PREX2: variants seen among roughly 807,000 people sequenced by gnomAD.
PREX2 encodes phosphatidylinositol-3,4,5-trisphosphate dependent Rac exchange factor 2.
In PREX2, 107 loss-of-function variants were observed where a neutral mutation model predicts 203.2. That is an observed-to-expected ratio of 0.53 (90% confidence interval 0.45 to 0.62). PREX2 has a LOEUF of 0.62. Among genes scored for constraint, PREX2 ranks in the 20% least tolerant of loss-of-function variants. The pLI, the probability that PREX2 is intolerant of heterozygous loss-of-function variation, is 0.00. For missense variants in PREX2, 1,777 were observed against 1,955.9 expected (o/e 0.91, Z 1.72); for synonymous variants, 672 against 663.6 (o/e 1.01, Z -0.19).
At chr8:68,183,253 C>T (rs1004991041) in intron 35 of PREX2, among the ~76,000 whole-genome samples, 1 of 151,870 alleles carries the variant, frequency 6.6e-6, no homozygotes, top group Admixed American at 6.6e-5. Context: ...AAGATCCAAC[C>T]CATGAACTTG....
intron 33 of PREX2, among the ~76,000 whole-genome samples, chr8:68,139,533 C>T (rs189034529): frequency 5.5e-4 from 83 of 152,190 alleles, no homozygotes; most frequent in African/African-American, 1.8e-3. Flanking sequence ...TGATGAATTA[C>T]GGGATGTGTG....
intron 35 of PREX2, among the ~76,000 whole-genome samples, chr8:68,160,148 G>T (rs1811626760): frequency 6.6e-6 from 1 of 152,038 alleles, no homozygotes; most frequent in South Asian, 2.1e-4. Context: ...TAGAATCCTG[G>T]AAGTTTTTTC....
intron 23 of PREX2, 64 bp from the exon 24 acceptor site, chr8:68,108,044 GA>G (rs1810453455): frequency 1.9e-6 from 2 of 1,068,008 alleles, no homozygotes; most frequent in Non-Finnish European, 1.4e-6. Flanking sequence ...TGATGCAAGT[GA>G]AAAAAAGATG....
chr8:68,040,837 G>A (rs1396170626), intron 7 of PREX2, among the ~76,000 whole-genome samples: 2 of 152,162 alleles, frequency 1.3e-5, no homozygotes. Context: ...CAGAATCAAT[G>A]AATGAGTGAA....
At chr8:68,090,225 A>C (rs1809828325) in intron 19 of PREX2, among the ~76,000 whole-genome samples, 1 of 152,224 alleles carries the variant, frequency 6.6e-6, no homozygotes, top group African/African-American at 2.4e-5. Flanking sequence ...AAGGAAGGTA[A>C]GTAAGGCATA....
chr8:68,162,665 C>A (rs886231021), intron 35 of PREX2, among the ~76,000 whole-genome samples: 4 of 152,084 alleles, frequency 2.6e-5, no homozygotes, highest in African/African-American at 9.7e-5. Context: ...GAGGAGAGAG[C>A]TGTGAAGAGT....
chr8:68,066,791 A>C (rs1201430069), intron 11 of PREX2, among the ~76,000 whole-genome samples: 2 of 152,020 alleles, frequency 1.3e-5, no homozygotes, highest in Non-Finnish European at 2.9e-5. Flanking sequence ...GTCCTCTCCA[A>C]AAATTATTGC....
At chr8:68,158,299 C>G (rs1304310700) in intron 35 of PREX2, among the ~76,000 whole-genome samples, 1 of 151,550 alleles carries the variant, frequency 6.6e-6, no homozygotes, top group African/African-American at 2.4e-5. Flanking sequence ...CTTAATAAAT[C>G]AAAAATACTA....
chr8:68,189,711 C>T (rs2129614617), intron 35 of PREX2, among the ~76,000 whole-genome samples: 1 of 152,258 alleles, frequency 6.6e-6, no homozygotes, highest in African/African-American at 2.4e-5. Flanking sequence ...GGGTTGCTGC[C>T]TGGGGTTGCT....
chr8:67,969,925 C>T (rs988281115), intron 1 of PREX2, among the ~76,000 whole-genome samples: 4 of 152,140 alleles, frequency 2.6e-5, no homozygotes, highest in African/African-American at 7.2e-5. Context: ...GAATCTTATG[C>T]CCATCATCTG....
intron 4 of PREX2, among the ~76,000 whole-genome samples, chr8:68,022,584 A>C (rs933999897): frequency 1.5e-4 from 23 of 152,188 alleles, no homozygotes; most frequent in African/African-American, 5.5e-4. Flanking sequence ...AAACAACAAG[A>C]ATATGTGTTT....
intron 1 of PREX2, among the ~76,000 whole-genome samples, chr8:68,008,908 TG>T (rs1346261779): frequency 3.9e-5 from 6 of 152,230 alleles, no homozygotes; most frequent in Non-Finnish European, 7.3e-5. Context: ...TATTTTTCTT[TG>T]TAAATTACCT....
At chr8:67,965,638 A>G (rs1209773117) in intron 1 of PREX2, among the ~76,000 whole-genome samples, 1 of 152,172 alleles carries the variant, frequency 6.6e-6, no homozygotes, top group African/African-American at 2.4e-5. Flanking sequence ...GTTTAAACAT[A>G]TATTAAATGA....
chr8:68,090,767 C>G, intron 20 of PREX2, 52 bp downstream of exon 20: 2 of 1,514,068 alleles, frequency 1.3e-6, no homozygotes, highest in Non-Finnish European at 1.8e-6. Flanking sequence ...GCATAAAGAC[C>G]TAAGGGGTTG....
intron 30 of PREX2, among the ~76,000 whole-genome samples, chr8:68,123,783 CA>C (rs112444020): frequency 0.046 from 6,620 of 143,334 alleles, 427 homozygotes; most frequent in African/African-American, 0.15. Flanking sequence ...GCCTGCCAAC[CA>C]AAAAAAAAAG....
chr8:67,984,598 C>T (rs1806361434), intron 1 of PREX2, among the ~76,000 whole-genome samples: 1 of 152,138 alleles, frequency 6.6e-6, no homozygotes, highest in African/African-American at 2.4e-5. Flanking sequence ...TCTTCAACTT[C>T]CTAGGTAGAA....
intron 10 of PREX2, 43 bp downstream of exon 10, chr8:68,056,017 CATT>C: frequency 6.4e-7 from 1 of 1,555,786 alleles, no homozygotes. Flanking sequence ...TTTACATTCT[CATT>C]GTCTCACCTG....
intron 37 of PREX2, among the ~76,000 whole-genome samples, chr8:68,211,417 G>C (rs1486137954): frequency 6.6e-6 from 1 of 152,150 alleles, no homozygotes; most frequent in Non-Finnish European, 1.5e-5. Flanking sequence ...AATATGATGA[G>C]ATCTGAGAAA....
intron 15 of PREX2, among the ~76,000 whole-genome samples, chr8:68,077,920 A>C (rs1809397469): frequency 6.6e-6 from 1 of 152,134 alleles, no homozygotes; most frequent in South Asian, 2.1e-4. Context: ...CAGAGAACAA[A>C]ATTATAGATC....
Sources: allele counts gnomAD v4.1 joint callset (sites outside exome capture counted in the v4.1 genomes callset), GRCh38; gene constraint gnomAD v4.1.1; transcripts MANE v1.5; gene names NCBI Gene and HGNC (gene_info 2026-07-23, HGNC 2026-07-21).